TDRD10: variants seen among roughly 807,000 people sequenced by gnomAD.
TDRD10 encodes the protein tudor domain-containing protein 10.
A neutral mutation model predicts 48.0 loss-of-function variants in TDRD10; 40 were observed. That is an observed-to-expected ratio of 0.83 (90% CI 0.65 to 1.09). The LOEUF is 1.09. Ranked by LOEUF, TDRD10 falls within the 50% of genes least tolerant of loss-of-function variation. The pLI, the probability that TDRD10 is intolerant of heterozygous loss-of-function variation, is 0.00. For synonymous variants in TDRD10, 162 were observed against 170.4 expected, an observed-to-expected ratio of 0.95 and a Z score of 0.38; for missense variants, 378 against 434.7, an observed-to-expected ratio of 0.87 and a Z score of 1.16.
At chr1:154,539,312 C>CT (rs1398504274) in intron 6 of TDRD10, among the ~76,000 whole-genome samples, 2 of 151,600 alleles carry the variant, frequency 1.3e-5, no homozygotes, top group East Asian at 3.9e-4. Context: ...TTTCTTTTTT[C>CT]TTTTTTTTAA....
intron 6 of TDRD10, among the ~76,000 whole-genome samples, chr1:154,540,950 A>G (rs142763708): frequency 2.0e-4 from 30 of 152,272 alleles, no homozygotes; most frequent in African/African-American, 7.2e-4. Flanking sequence ...GGGAGTGACC[A>G]TTGGATTTGG....
intron 6 of TDRD10, among the ~76,000 whole-genome samples, chr1:154,537,932 A>G (rs1695009787): frequency 6.6e-6 from 1 of 152,220 alleles, no homozygotes; most frequent in African/African-American, 2.4e-5. Context: ...GAACTTAATT[A>G]AAATTAACTG....
intron 6 of TDRD10, among the ~76,000 whole-genome samples, chr1:154,522,706 C>T (rs764445049): frequency 6.6e-6 from 1 of 152,034 alleles, no homozygotes; most frequent in Non-Finnish European, 1.5e-5. Flanking sequence ...CTTTCTCTTC[C>T]TTTCTCTCTT....
rs187220163 is a variant in TDRD10, at chr1:154,511,099, A to G, written c.141+2618A>G. On this transcript the variant is annotated intron_variant, in intron 4 of 12. Transcript: ENST00000368482. ...ATATTTACATATCTTAAAATTTACC[A>G]TTAACTTTTTTGTTTGTTTGTTTGA... 3.9e-3 allele frequency among the ~76,000 whole-genome samples: 599 copies of G among 151,694 alleles called. 9 individuals carry two copies. The highest frequency in any genetic ancestry group is 3.0e-3 in the East Asian group (15 of 5,060).
At chr1:154,542,363 G>T (rs1166208067) in intron 7 of TDRD10, among the ~76,000 whole-genome samples, 1 of 152,180 alleles carries the variant, frequency 6.6e-6, no homozygotes, top group Admixed American at 6.5e-5. Context: ...CAGTAGCTAG[G>T]ACTATAGGTG....
At chr1:154,544,602 G>T (rs1695447792) in intron 10 of TDRD10, 85 bp downstream of exon 10, 2 of 1,524,228 alleles carry the variant, frequency 1.3e-6, no homozygotes, top group Admixed American at 4.5e-5. Flanking sequence ...TTTGGGCTCT[G>T]GTTTTTTTTC....
intron 6 of TDRD10, among the ~76,000 whole-genome samples, chr1:154,526,314 G>A (rs1283689896): frequency 5.3e-5 from 8 of 151,318 alleles, no homozygotes; most frequent in African/African-American, 1.9e-4. Flanking sequence ...CCTGGGAGGT[G>A]TAGTGAGTTA....
intron 6 of TDRD10, chr1:154,534,521 A>G (rs1037546220): frequency 6.6e-6 from 1 of 152,280 alleles, no homozygotes; most frequent in African/African-American, 2.4e-5. Flanking sequence ...CCTGGTTTCC[A>G]TGGCTTTGCC....
At chr1:154,510,112 G>C (rs568506846) in intron 4 of TDRD10, among the ~76,000 whole-genome samples, 15 of 152,152 alleles carry the variant, frequency 9.9e-5, no homozygotes, top group African/African-American at 3.4e-4. Flanking sequence ...GTTTTAAAAA[G>C]AAATTTCTAG....
rs556275007 is a variant in TDRD10, at chr1:154,508,332, T to C, written c.83-91T>C. The C allele has an allele frequency of 1.7e-5, 15 of 883,448 alleles. 1 individual carries two copies. Among genetic ancestry groups the C allele is most frequent in the Admixed American group, 7.3e-5 (4 of 54,690 alleles). 54.7% of individuals were successfully genotyped at this position (883,448 alleles called of 1,614,324 possible). On this transcript the variant is annotated intron_variant, in intron 3 of 12. Transcript: ENST00000368482. ...GAATTTGAGACCAGACTGGGCAACA[T>C]AGAGAGACCCTGTCTCTATCCTGTA...
chr1:154,514,177 A>C (rs1213356809), intron 4 of TDRD10, among the ~76,000 whole-genome samples: 3 of 152,182 alleles, frequency 2.0e-5, no homozygotes, highest in Non-Finnish European at 4.4e-5. Context: ...GTGACAAAGC[A>C]AGACTCTGTC....
chr1:154,540,114 A>T (rs1015958006), intron 6 of TDRD10, among the ~76,000 whole-genome samples: 1 of 152,216 alleles, frequency 6.6e-6, no homozygotes, highest in African/African-American at 2.4e-5. Flanking sequence ...TTAACCAGTG[A>T]TGTCATGTGA....
At chr1:154,528,654 A>T (rs1694440401) in intron 6 of TDRD10, among the ~76,000 whole-genome samples, 1 of 55,526 alleles carries the variant, frequency 1.8e-5, no homozygotes, top group Admixed American at 2.7e-4. Flanking sequence ...CCCTGTCTCT[A>T]CTAAAACAAA....
intron 12 of TDRD10, 82 bp from the exon 13 acceptor site, chr1:154,547,596 A>C (rs1000829511): frequency 1.2e-6 from 2 of 1,614,076 alleles, no homozygotes; most frequent in African/African-American, 2.7e-5. Context: ...TTTTAGATCA[A>C]ACGAACTGGT....
chr1:154,503,222 C>T (rs978256028), intron 1 of TDRD10, among the ~76,000 whole-genome samples, 193 bp downstream of exon 1: 1 of 152,166 alleles, frequency 6.6e-6, no homozygotes, highest in East Asian at 1.9e-4. Flanking sequence ...CGGGGAGTGC[C>T]GTGTGCAGAA....
intron 6 of TDRD10, among the ~76,000 whole-genome samples, chr1:154,536,317 G>A (rs1026017540): frequency 9.9e-5 from 15 of 152,102 alleles, no homozygotes; most frequent in African/African-American, 3.4e-4. Context: ...CAGAGGTTGC[G>A]GTGAGCTGAG....
chr1:154,520,097 T>C (rs1417000782), intron 4 of TDRD10, among the ~76,000 whole-genome samples: 1 of 152,212 alleles, frequency 6.6e-6, no homozygotes, highest in African/African-American at 2.4e-5. Context: ...CTTGTCTGCA[T>C]CGCTGCTTGG....
chr1:154,544,236 A>G (rs933706923), intron 9 of TDRD10, 126 bp downstream of exon 9: 1 of 1,547,710 alleles, frequency 6.5e-7, no homozygotes, highest in Non-Finnish European at 8.8e-7. Flanking sequence ...TCCTGGGTTC[A>G]GTCTCGTTCT....
intron 6 of TDRD10, among the ~76,000 whole-genome samples, chr1:154,537,432 A>G (rs1694980029): frequency 6.6e-6 from 1 of 152,224 alleles, no homozygotes; most frequent in Non-Finnish European, 1.5e-5. Context: ...TAGAAGTGCA[A>G]GTGATTAAAG....
Sources: allele counts gnomAD v4.1 joint callset (sites outside exome capture counted in the v4.1 genomes callset), GRCh38; gene constraint gnomAD v4.1.1; transcripts MANE v1.5; gene names NCBI Gene and HGNC (gene_info 2026-07-23, HGNC 2026-07-21).